SPAST: variants seen among roughly 807,000 people sequenced by gnomAD.
SPAST encodes the protein spastin, also known as spastic paraplegia 4 (autosomal dominant; spastin).
In SPAST, 30 loss-of-function variants were observed where a neutral mutation model predicts 76.6. The observed-to-expected ratio is 0.39, with a 90% CI of 0.29 to 0.53. SPAST has a LOEUF of 0.53. SPAST is among the 20% of genes least tolerant of loss of function. The pLI is 0.68. For missense variants in SPAST, 717 were observed against 770.5 expected (o/e 0.93, Z 0.82); for synonymous variants, 305 against 281.0 (o/e 1.09, Z -0.86).
intron 3 of SPAST, among the ~76,000 whole-genome samples, chr2:32,094,500 A>G (rs1677846306): frequency 6.6e-6 from 1 of 152,188 alleles, no homozygotes; most frequent in South Asian, 2.1e-4. Flanking sequence ...AAGAGAAAGT[A>G]CCTGGTATGT....
At chr2:32,084,461 G>T (rs1677389877) in intron 1 of SPAST, among the ~76,000 whole-genome samples, 1 of 152,022 alleles carries the variant, frequency 6.6e-6, no homozygotes, top group Non-Finnish European at 1.5e-5. Context: ...ACCGCCCCTG[G>T]CCTACTTTTA....
In SPAST at chr2:32,155,084, C is replaced by T. The variant is rs955493317; in HGVS notation, c.*588C>T. On this transcript the variant is annotated 3_prime_UTR_variant, in exon 17 of 17. Coordinates refer to ENST00000315285, the MANE Select transcript of SPAST (RefSeq NM_014946.4). ...TGAGAGTTTCTTCTTCATAAATCTA[C>T]AGACATTAAACAATTGTTGTGTTCT... is the stretch of plus-strand genomic sequence containing the variant. 1.3e-5 allele frequency: 2 copies of T among 153,536 alleles called. No homozygotes were observed. Among genetic ancestry groups the T allele is most frequent in the African/African-American group, 2.4e-5 (1 of 41,458 alleles). 9.5% of individuals were successfully genotyped at this position (153,536 alleles called of 1,614,324 possible).
intron 1 of SPAST, among the ~76,000 whole-genome samples, chr2:32,067,756 C>T (rs944656393): frequency 9.0e-6 from 1 of 111,644 alleles, no homozygotes; most frequent in Admixed American, 9.2e-5. Flanking sequence ...TTAAGTGATC[C>T]TCTTTTTTTT....
intron 16 of SPAST, among the ~76,000 whole-genome samples, chr2:32,149,841 A>T (rs1304643194): frequency 2.6e-5 from 4 of 152,156 alleles, no homozygotes; most frequent in Middle Eastern, 3.2e-3. Context: ...CTATGGGGGA[A>T]CCAATTTCCG....
intron 1 of SPAST, among the ~76,000 whole-genome samples, chr2:32,081,781 CAAA>C (rs34078147): frequency 1.1e-3 from 47 of 44,386 alleles, no homozygotes; most frequent in Admixed American, 6.8e-3. Context: ...GAGACACTGT[CAAA>C]AAAAAAAAAA....
chr2:32,102,069 G>A (rs1192508562), intron 4 of SPAST, among the ~76,000 whole-genome samples: 4 of 152,066 alleles, frequency 2.6e-5, no homozygotes, highest in Non-Finnish European at 5.9e-5. Flanking sequence ...CTTGGGCAGT[G>A]TGGCCATTTT....
At chr2:32,120,196 C>G (rs551259094) in intron 7 of SPAST, among the ~76,000 whole-genome samples, 2 of 152,158 alleles carry the variant, frequency 1.3e-5, no homozygotes, top group East Asian at 1.9e-4. Context: ...TTTCTTCTTT[C>G]AAAAATGTTA....
intron 1 of SPAST, among the ~76,000 whole-genome samples, chr2:32,073,656 G>A (rs1297860775): frequency 6.6e-6 from 1 of 152,030 alleles, no homozygotes; most frequent in Non-Finnish European, 1.5e-5. Context: ...ACCTATAATA[G>A]TCCTGCAAAG....
intron 1 of SPAST, among the ~76,000 whole-genome samples, chr2:32,064,475 C>T (rs1243080212): frequency 1.3e-5 from 2 of 152,204 alleles, no homozygotes; most frequent in African/African-American, 2.4e-5. Context: ...CAGACACCAG[C>T]CTTCCCCCAC....
intron 4 of SPAST, among the ~76,000 whole-genome samples, chr2:32,113,948 T>TG (rs1337454906): frequency 6.8e-6 from 1 of 146,286 alleles, no homozygotes; most frequent in East Asian, 2.1e-4. Flanking sequence ...TGTTTTTTTG[T>TG]TTTTTTTTTT....
intron 16 of SPAST, among the ~76,000 whole-genome samples, chr2:32,149,256 A>ATT (rs59020104): frequency 6.5e-5 from 8 of 123,572 alleles, no homozygotes; most frequent in East Asian, 2.4e-4. Flanking sequence ...CGCCCAGCTA[A>ATT]TTTTTTTTTT....
intron 14 of SPAST, 113 bp downstream of exon 14, chr2:32,143,528 G>A (rs1679790226): frequency 2.8e-6 from 2 of 708,446 alleles, no homozygotes; most frequent in African/African-American, 1.8e-5. Flanking sequence ...TCATTGATCA[G>A]AAGACTTTCT....
Position 32,153,595 on chromosome 2 carries a change from TG to T in SPAST, c.1729-778del, listed in dbSNP as rs888639870. Among the ~76,000 whole-genome samples, 94 of 151,982 alleles carry T rather than the reference TG, an allele frequency of 6.2e-4. 1 individual carries two copies. The highest frequency in any genetic ancestry group is 6.0e-3 in the Admixed American group (92 of 15,246). On this transcript the variant is annotated intron_variant, in intron 16 of 16. Coordinates refer to ENST00000315285, the MANE Select transcript of SPAST (RefSeq NM_014946.4). ...CCTCCCAAAGTGCGGGGATTACAGG[TG>T]TGAGCCACCGTGCTTGGCCAAAATT... is the stretch of plus-strand genomic sequence containing the variant.
chr2:32,063,984 C>G lies in SPAST; in HGVS notation c.153C>G (p.Tyr51Ter), dbSNP rs1462628095. The part of the protein sequence containing the change: ...PPESPHKRNL[Y>*]YFSYPLFVGF... ...AGTCGCCGCATAAGCGGAACCTGTA[C>G]TATTTCTCCTACCCGCTGTTTGTAG... Residue 51 changes from tyrosine (Y) to a stop codon, truncating the protein, a stop_gained, in exon 1 of 17, where the codon TAC (tyrosine) becomes TAG (stop). Coordinates refer to ENST00000315285, the MANE Select transcript of SPAST (RefSeq NM_014946.4). LOFTEE classifies it high-confidence loss of function. 1 of 1,613,368 alleles carries G rather than the reference C, an allele frequency of 6.2e-7. No individual in the cohort carries two copies. The highest frequency in any genetic ancestry group is 8.5e-7 in the Non-Finnish European group (1 of 1,179,526).
chr2:32,105,868 C>T (rs1033464358), intron 4 of SPAST, among the ~76,000 whole-genome samples: 5 of 152,134 alleles, frequency 3.3e-5, no homozygotes, highest in Non-Finnish European at 7.4e-5. Context: ...TCAGTCAGCC[C>T]GTATGGGGAG....
intron 4 of SPAST, among the ~76,000 whole-genome samples, chr2:32,112,799 A>G (rs898685055): frequency 6.6e-6 from 1 of 152,152 alleles, no homozygotes; most frequent in Non-Finnish European, 1.5e-5. Flanking sequence ...AAACCGTATT[A>G]AGAGATTTGA....
chr2:32,089,453 G>A, intron 2 of SPAST, 69 bp from the exon 3 acceptor site: 1 of 882,678 alleles, frequency 1.1e-6, no homozygotes, highest in Non-Finnish European at 1.9e-6. Flanking sequence ...AAGTAGTTTG[G>A]GTGATAATTT....
At chr2:32,100,341 A>T in intron 4 of SPAST, among the ~76,000 whole-genome samples, 1 of 147,056 alleles carries the variant, frequency 6.8e-6, no homozygotes. Context: ...TTTTTTTAGC[A>T]ATAGTTTCAT....
intron 3 of SPAST, among the ~76,000 whole-genome samples, chr2:32,091,938 A>G (rs1400389268): frequency 6.6e-6 from 1 of 152,172 alleles, no homozygotes; most frequent in Non-Finnish European, 1.5e-5. Context: ...AGCTAATAAT[A>G]ATATCTCATA....
Sources: allele counts gnomAD v4.1 joint callset (sites outside exome capture counted in the v4.1 genomes callset), GRCh38; gene constraint gnomAD v4.1.1; transcripts MANE v1.5; gene names NCBI Gene and HGNC (gene_info 2026-07-23, HGNC 2026-07-21).